TMEM161B: variants seen among roughly 807,000 people sequenced by gnomAD.
TMEM161B encodes transmembrane protein 161B.
TMEM161B carries 34 observed loss-of-function variants against 61.8 expected under a neutral mutation model. The ratio of observed to expected loss-of-function variants is 0.55; its 90% CI spans 0.42 to 0.73. The LOEUF (loss-of-function observed/expected upper bound fraction) is 0.73, where lower values mean the gene tolerates loss of function less well. Among genes scored for constraint, TMEM161B ranks in the 30% least tolerant of loss-of-function variants. TMEM161B has a pLI of 0.00. For missense variants in TMEM161B, 456 were observed against 558.5 expected (o/e 0.82, Z 1.85); for synonymous variants, 167 against 192.8 (o/e 0.87, Z 1.11).
chr5:88,264,163 AC>A (rs1431555456), intron 1 of TMEM161B, among the ~76,000 whole-genome samples: 3 of 152,150 alleles, frequency 2.0e-5, no homozygotes, highest in Non-Finnish European at 4.4e-5. Flanking sequence ...AAAAAAAAAA[AC>A]AAAACTTAAT....
intron 4 of TMEM161B, chr5:88,221,694 T>C (rs767007175): frequency 6.2e-4 from 281 of 456,130 alleles, no homozygotes; most frequent in Non-Finnish European, 7.4e-4. Flanking sequence ...TCAGGTGGCA[T>C]AGGTATTCTG....
intron 1 of TMEM161B, among the ~76,000 whole-genome samples, chr5:88,258,281 C>T (rs1483029051): frequency 1.3e-5 from 2 of 151,982 alleles, no homozygotes; most frequent in African/African-American, 2.4e-5. Flanking sequence ...TCTACTTTTT[C>T]GTAAAGATTG....
At chr5:88,200,444 C>G (rs1744177596) in intron 9 of TMEM161B, 1 of 152,114 alleles carries the variant, frequency 6.6e-6, no homozygotes, top group East Asian at 1.9e-4. Flanking sequence ...ACTGTGCTCC[C>G]TCCAGTTGTG....
At chr5:88,266,087 G>C (rs1380849680) in intron 1 of TMEM161B, among the ~76,000 whole-genome samples, 2 of 152,108 alleles carry the variant, frequency 1.3e-5, no homozygotes, top group African/African-American at 4.8e-5. Context: ...AAAATTAAGC[G>C]TGAGTTCAGT....
chr5:88,211,827 C>T (rs554975307), intron 5 of TMEM161B, among the ~76,000 whole-genome samples: 4 of 147,214 alleles, frequency 2.7e-5, no homozygotes, highest in Admixed American at 6.8e-5. Flanking sequence ...CCAGAACATA[C>T]AATATCTGAC....
downstream of TMEM161B, among the ~76,000 whole-genome samples, chr5:88,194,143 T>C (rs1368220423): frequency 6.6e-6 from 1 of 152,078 alleles, no homozygotes; most frequent in Non-Finnish European, 1.5e-5. Context: ...CCTCATTTCC[T>C]TCCCACTTCC....
chr5:88,186,454 G>T (rs80208309), downstream of TMEM161B, among the ~76,000 whole-genome samples: 1 of 152,122 alleles, frequency 6.6e-6, no homozygotes, highest in Non-Finnish European at 1.5e-5. Context: ...ATGGTCAACT[G>T]TGAAGTGCCT....
chr5:88,268,606 T>A (rs544914678), intron 1 of TMEM161B, 115 bp downstream of exon 1: 1 of 1,476,100 alleles, frequency 6.8e-7, no homozygotes. Flanking sequence ...CAGCAGCTCA[T>A]CCCAACGTCT....
At chr5:88,236,418 A>T (rs1327976096) in intron 2 of TMEM161B, among the ~76,000 whole-genome samples, 1 of 152,130 alleles carries the variant, frequency 6.6e-6, no homozygotes, top group Non-Finnish European at 1.5e-5. Context: ...ATAACCTAAC[A>T]CTTACCTCTC....
At chr5:88,246,738 T>C (rs1753668778) in intron 1 of TMEM161B, among the ~76,000 whole-genome samples, 1 of 152,024 alleles carries the variant, frequency 6.6e-6, no homozygotes, top group Non-Finnish European at 1.5e-5. Context: ...TAATTTTTAA[T>C]TAAAGGAGAA....
chr5:88,208,350 C>T (rs1215748048), intron 5 of TMEM161B, among the ~76,000 whole-genome samples: 1 of 152,156 alleles, frequency 6.6e-6, no homozygotes, highest in Non-Finnish European at 1.5e-5. Context: ...GGCATGGGGG[C>T]GGGCGCCTGT....
Position 88,197,758 on chromosome 5 carries a change from C to A in TMEM161B, c.1097G>T (p.Arg366Leu). The A allele has an allele frequency of 6.2e-7, 1 of 1,611,842 alleles. No individual in the cohort carries two copies. Among genetic ancestry groups the A allele is most frequent in the Non-Finnish European group, 8.5e-7 (1 of 1,178,748 alleles). ...AATGACACAAAGATAATAAAAGACT[C>A]GAGCCACCTGCAACCAACAACATTC... The part of the protein sequence containing the change: ...STVELQKMVA[R>L]VFYYLCVIAL... The change falls in exon 11 of 12, where the codon CGA (arginine) becomes CTA (leucine). Residue 366 changes from arginine (R) to leucine (L), a missense_variant. By Grantham distance (102) the Arg-to-Leu change is moderately radical. Coordinates refer to ENST00000296595, the MANE Select transcript of TMEM161B (RefSeq NM_153354.5).
chr5:88,216,036 T>C (rs1239919099), intron 5 of TMEM161B, among the ~76,000 whole-genome samples: 1 of 152,168 alleles, frequency 6.6e-6, no homozygotes, highest in Admixed American at 6.5e-5. Flanking sequence ...GACAGAAGGA[T>C]GGCTTGAGGC....
chr5:88,240,075 T>C (rs113537524), intron 2 of TMEM161B, among the ~76,000 whole-genome samples: 8 of 152,042 alleles, frequency 5.3e-5, no homozygotes, highest in African/African-American at 1.7e-4. Flanking sequence ...TATACTTTTT[T>C]AATCTAATTT....
At chr5:88,196,539 C>G (rs975831636) in intron 11 of TMEM161B, 51 bp from the exon 12 acceptor site, 30 of 1,489,252 alleles carry the variant, frequency 2.0e-5, no homozygotes, top group Non-Finnish European at 2.6e-5. Flanking sequence ...AATTACCAAG[C>G]TTTTTATTAA....
chr5:88,243,539 T>C (rs1753092091), intron 1 of TMEM161B, among the ~76,000 whole-genome samples: 2 of 151,946 alleles, frequency 1.3e-5, no homozygotes, highest in South Asian at 2.1e-4. Context: ...CTATTGTGAA[T>C]AGTGCTGCAA....
In TMEM161B at chr5:88,195,378, T is replaced by C. The variant is rs1291047467; in HGVS notation, c.*833A>G. 5.5e-6 allele frequency: 4 copies of C among 729,930 alleles called. No individual in the cohort carries two copies. The highest frequency in any genetic ancestry group is 6.5e-5 in the Admixed American group (1 of 15,442). The allele number at this position is 729,930 out of a possible 1,614,324, so 45.2% of individuals were successfully genotyped here. On this transcript the variant is annotated 3_prime_UTR_variant, in exon 12 of 12. Coordinates refer to ENST00000296595, the MANE Select transcript of TMEM161B (RefSeq NM_153354.5). ...TATATTATATATTTAATATATAATA[T>C]ATATACAATACATACAGGTAGTCAG...
At chr5:88,201,027 T>C (rs1329274454) in intron 9 of TMEM161B, 1 of 150,262 alleles carries the variant, frequency 6.7e-6, no homozygotes, top group Non-Finnish European at 1.5e-5. Context: ...TTTTTCACAA[T>C]CTATCACATG....
chr5:88,201,155 G>A (rs1450512108), intron 9 of TMEM161B: 1 of 151,984 alleles, frequency 6.6e-6, no homozygotes, highest in Non-Finnish European at 1.5e-5. Context: ...GAATGCTTAT[G>A]AAACAGGTCA....
Sources: gnomAD v4.1 joint callset for allele counts (sites outside exome capture counted in the v4.1 genomes callset) on GRCh38, gnomAD v4.1.1 for gene constraint, MANE v1.5 for transcripts, NCBI Gene and HGNC (gene_info 2026-07-23, HGNC 2026-07-21) for gene names.